The following ZFYVE26 variants were observed in gnomAD, a reference collection of about 807,000 sequenced individuals.
ZFYVE26 encodes zinc finger FYVE-type containing 26, also known as zinc finger FYVE domain-containing protein 26.
In ZFYVE26, 181 loss-of-function variants were observed where a neutral mutation model predicts 276.5. The ratio of observed to expected loss-of-function variants is 0.65; its 90% CI spans 0.58 to 0.74. ZFYVE26 has a LOEUF of 0.74. Among genes scored for constraint, ZFYVE26 ranks in the 30% least tolerant of loss-of-function variants. The pLI is 0.00. For missense variants in ZFYVE26, 2,821 were observed against 3,097.9 expected (o/e 0.91, Z 2.12); for synonymous variants, 1,129 against 1,203.1 (o/e 0.94, Z 1.27).
At chr14:67,776,194 G>A in intron 25 of ZFYVE26, 88 bp from the exon 26 acceptor site, 1 of 1,583,136 alleles carries the variant, frequency 6.3e-7, no homozygotes, top group Non-Finnish European at 8.6e-7. Flanking sequence ...GGGGAAGGGT[G>A]CATGAGAACA....
chr14:67,729,268 C>T, exon 14 of ZFYVE26: 1 of 1,607,614 alleles, frequency 6.2e-7, no homozygotes, highest in Non-Finnish European at 8.5e-7. Context: ...CCTGCTCTGC[C>T]TGCTCTGGCG....
chr14:67,793,809 G>A (rs745548587), intron 13 of ZFYVE26, 50 bp from the exon 14 acceptor site: 6 of 1,611,636 alleles, frequency 3.7e-6, no homozygotes, highest in East Asian at 2.2e-5. Flanking sequence ...AGGAATTAAG[G>A]AAATGCTATA....
rs1278276709 is a variant in ZFYVE26, at chr14:67,747,642, C to T, written c.*794G>A. On this transcript the variant is annotated 3_prime_UTR_variant, in exon 42 of 42. Transcript: ENST00000347230. ...GCAGCTCTGTGCTTGTGAGCACCCG[C>T]TCCCCCCACCACCCCCCACCGCCTC... The T allele has an allele frequency of 6.7e-6, 1 of 148,434 alleles. No individual in the cohort carries two copies. The highest frequency in any genetic ancestry group is 1.5e-5 in the Non-Finnish European group (1 of 67,428). The allele number at this position is 148,434 out of a possible 1,614,324, so 9.2% of individuals were successfully genotyped here.
chr14:67,781,818 C>T (rs910006970), intron 21 of ZFYVE26, among the ~76,000 whole-genome samples: 9 of 152,158 alleles, frequency 5.9e-5, no homozygotes, highest in African/African-American at 2.2e-4. Flanking sequence ...GAAGGAAGGA[C>T]AGAAGAGATG....
In ZFYVE26 at chr14:67,769,638, G is replaced by T; in HGVS notation, c.5577C>A (p.Asn1859Lys). Reference protein sequence around the residue: ...KKMVVEGCRENPARVCDQCYS... With the variant: ...KKMVVEGCREKPARVCDQCYS... ...AGCACTGATCACACACACGAGCAGG[G>T]TTCTCTCTGCAGCCTTCAACCACCA... The change falls in exon 29 of 42, where the codon AAC (asparagine) becomes AAA (lysine). Residue 1859 changes from asparagine to lysine, a missense_variant. Coordinates refer to ENST00000347230, the MANE Select transcript of ZFYVE26 (RefSeq NM_015346.4). 6.2e-7 allele frequency: 1 copy of T among 1,614,032 alleles called. No individual in the cohort carries two copies. Among genetic ancestry groups the T allele is most frequent in the East Asian group, 2.2e-5 (1 of 44,882 alleles).
In ZFYVE26 at chr14:67,752,417, C is replaced by T. The variant is rs1275853732; in HGVS notation, c.7298G>A (p.Gly2433Asp). 1.2e-6 allele frequency: 2 copies of T among 1,613,626 alleles called. No individual in the cohort carries two copies. The highest frequency in any genetic ancestry group is 2.7e-5 in the African/African-American group (2 of 74,910). ...QQLLKCVSES[G>D]MAAKSDGDTI... ...GTCCCCGTCACTTTTGGCTGCCATG[C>T]CTGACTCACTGACACATTTGAGCAG... The change falls in exon 40 of 42, where the codon GGC becomes GAC. Residue 2433 changes from glycine (G) to aspartate (D), a missense_variant. Coordinates refer to ENST00000347230, the MANE Select transcript of ZFYVE26 (RefSeq NM_015346.4).
At chr14:67,809,710 C>T (rs772089504) in intron 3 of ZFYVE26, among the ~76,000 whole-genome samples, 6 of 151,776 alleles carry the variant, frequency 4.0e-5, no homozygotes, top group Non-Finnish European at 8.8e-5. Context: ...ATGTGAGCTA[C>T]CACGCCTGGC....
Position 67,802,185 on chromosome 14 carries a change from G to A in ZFYVE26, c.1533C>T (p.Leu511=). The A allele has an allele frequency of 6.2e-7, 1 of 1,614,210 alleles. No individual in the cohort carries two copies. The highest frequency in any genetic ancestry group is 8.5e-7 in the Non-Finnish European group (1 of 1,180,044). The change falls in exon 10 of 42, where the codon CTC becomes CTT. Residue 511 remains leucine, a synonymous_variant. Transcript: ENST00000347230. ...FCAMKYAIYA[L]CVNSHQHSQC... ...GGGAGTGCTGGTGTGAGTTTACACA[G>A]AGGGCATAGATGGCATACTTCATGG...
chr14:67,791,158 C>T (rs545772273), intron 14 of ZFYVE26, among the ~76,000 whole-genome samples: 1 of 152,276 alleles, frequency 6.6e-6, no homozygotes, highest in East Asian at 1.9e-4. Flanking sequence ...TTAAGTGTCA[C>T]AACTTTTTTG....
intron 12 of ZFYVE26, among the ~76,000 whole-genome samples, chr14:67,794,688 T>C (rs2039908335): frequency 1.3e-5 from 2 of 152,210 alleles, no homozygotes; most frequent in Admixed American, 1.3e-4. Flanking sequence ...CTTACACCTG[T>C]AATCCCAGCA....
intron 36 of ZFYVE26, 146 bp from the exon 37 acceptor site, chr14:67,755,396 A>G: frequency 1.0e-6 from 1 of 952,728 alleles, no homozygotes; most frequent in Non-Finnish European, 1.6e-6. Context: ...ATTTTGAGCC[A>G]GTCACCCCCA....
chr14:67,775,341 C>T (rs1267549403), intron 26 of ZFYVE26, among the ~76,000 whole-genome samples: 1 of 152,062 alleles, frequency 6.6e-6, no homozygotes. Context: ...GAAATGGACA[C>T]TAGGATTCTA....
chr14:67,758,075 A>G (rs1351654803), intron 35 of ZFYVE26, among the ~76,000 whole-genome samples: 1 of 152,158 alleles, frequency 6.6e-6, no homozygotes, highest in East Asian at 1.9e-4. Flanking sequence ...GCTATTTAAT[A>G]ATCATCTTGG....
chr14:67,731,148 G>A (rs2038265707), intron 13 of ZFYVE26, among the ~76,000 whole-genome samples: 1 of 148,900 alleles, frequency 6.7e-6, no homozygotes, highest in Admixed American at 6.7e-5. Flanking sequence ...GTAGCTGCTA[G>A]AAAATTCAAA....
downstream of ZFYVE26, among the ~76,000 whole-genome samples, chr14:67,742,838 C>CTTTTTTTTTTTTTT (rs71446342): frequency 2.1e-3 from 192 of 89,750 alleles, no homozygotes; most frequent in African/African-American, 5.2e-3. Context: ...TCTTCTTCTT[C>CTTTTTTTTTTTTTT]TTTTTTTTTT....
intron 28 of ZFYVE26, among the ~76,000 whole-genome samples, chr14:67,771,320 T>C (rs2039202682): frequency 6.6e-6 from 1 of 152,266 alleles, no homozygotes; most frequent in Non-Finnish European, 1.5e-5. Flanking sequence ...TTCTTTTTTA[T>C]GGCTGCATGG....
rs1277787316 is a variant in ZFYVE26 at position 67,772,125 on chromosome 14, T to C, written c.5406A>G (p.Thr1802=). 2 of 1,612,664 alleles carry C rather than the reference T, an allele frequency of 1.2e-6. No homozygotes were observed. Among genetic ancestry groups the C allele is most frequent in the African/African-American group, 2.7e-5 (2 of 74,778 alleles). The change falls in exon 28 of 42, where the codon ACA becomes ACG. Residue 1802 remains threonine (T), a synonymous_variant. Transcript: ENST00000347230. ...GTACCCACTGGTGCCTGGCAGGGGG[T>C]GTCGCTGGGGGCACAAATTCCTGTG... ...QPSQEFVPPA[T]PPARHQWVPD...
intron 13 of ZFYVE26, 148 bp downstream of exon 13, chr14:67,794,023 C>T (rs1354362100): frequency 4.2e-6 from 4 of 956,280 alleles, no homozygotes; most frequent in Non-Finnish European, 6.8e-6. Context: ...TGAAACAGTC[C>T]TTTCCCTTCT....
At chr14:67,778,343 G>T (rs991666678) in intron 23 of ZFYVE26, 95 bp from the exon 24 acceptor site, 6 of 1,509,480 alleles carry the variant, frequency 4.0e-6, no homozygotes, top group Non-Finnish European at 5.5e-6. Flanking sequence ...ATGTTTATAA[G>T]TGCTGATGGG....
Sources: allele counts gnomAD v4.1 joint callset (sites outside exome capture counted in the v4.1 genomes callset), GRCh38; gene constraint gnomAD v4.1.1; transcripts MANE v1.5; gene names NCBI Gene and HGNC (gene_info 2026-07-23, HGNC 2026-07-21).